ALOX12: variants seen among roughly 807,000 people sequenced by gnomAD.
ALOX12 encodes polyunsaturated fatty acid lipoxygenase ALOX12.
ALOX12 carries 62 observed loss-of-function variants against 85.5 expected under a neutral mutation model. The ratio of observed to expected loss-of-function variants is 0.73; its 90% confidence interval spans 0.59 to 0.90. The LOEUF is 0.90. ALOX12 is among the 40% of genes least tolerant of loss of function. ALOX12 has a pLI of 0.00. For missense variants in ALOX12, 751 were observed against 856.5 expected, an observed-to-expected ratio of 0.88 and a Z score of 1.54; for synonymous variants, 299 against 332.7, an observed-to-expected ratio of 0.90 and a Z score of 1.10.
At chr17:6,998,639 TCCCTGC>T (rs576891719) in intron 3 of ALOX12, 49 bp downstream of exon 3, 872 of 1,598,642 alleles carry the variant, frequency 5.5e-4, no homozygotes, top group Middle Eastern at 8.3e-4. Flanking sequence ...TCCCACCCCT[TCCCTGC>T]CCCTGCCCCT....
At chr17:6,997,170 G>A in intron 2 of ALOX12, 143 bp downstream of exon 2, 1 of 1,412,736 alleles carries the variant, frequency 7.1e-7, no homozygotes, top group Non-Finnish European at 9.2e-7. Flanking sequence ...CAGGGTGCTG[G>A]ACAGAAAACG....
Position 6,999,450 on chromosome 17 carries a change from T to C in ALOX12, c.791T>C (p.Leu264Pro). ...PSGMEELQAQLEKELQNGSLF... is the reference protein window; with the variant it reads ...PSGMEELQAQPEKELQNGSLF... Reference sequence around the variant, plus strand: ...GGGATGGAAGAGCTTCAGGCTCAACTGGAGAAAGAACTTCAGGTACCTCTC... The same window carrying C: ...GGGATGGAAGAGCTTCAGGCTCAACCGGAGAAAGAACTTCAGGTACCTCTC... The change falls in exon 6 of 14, where the codon CTG becomes CCG. Residue 264 changes from leucine (L) to proline (P), a missense_variant. Physicochemically the swap from Leu to Pro is moderately conservative, Grantham distance 98. Transcript: ENST00000251535. 2 of 1,614,108 alleles carry C rather than the reference T, an allele frequency of 1.2e-6. No homozygotes were observed. Among genetic ancestry groups the C allele is most frequent in the Non-Finnish European group, 1.7e-6 (2 of 1,179,978 alleles).
intron 8 of ALOX12, chr17:7,002,277 C>A: frequency 3.0e-6 from 1 of 337,676 alleles, no homozygotes; most frequent in Non-Finnish European, 5.8e-6. Flanking sequence ...GAAGAACAGC[C>A]AGCAAGCCGC....
rs754960840 is a variant in ALOX12 at position 7,010,349 on chromosome 17, G to A, written c.1918G>A (p.Ala640Thr). 3.1e-6 allele frequency: 5 copies of A among 1,614,196 alleles called. No individual in the cohort carries two copies. Among genetic ancestry groups the A allele is most frequent in the Non-Finnish European group, 3.4e-6 (4 of 1,180,044 alleles). ...GGAAAAGCTGGAAAAGGAGATTACAGCCCGGAATGAGCAACTTGACTGGCC... is the reference window on the plus strand; with the variant it reads ...GGAAAAGCTGGAAAAGGAGATTACAACCCGGAATGAGCAACTTGACTGGCC... ...DLEKLEKEIT[A>T]RNEQLDWPYE... Residue 640 changes from alanine to threonine, a missense_variant, in exon 14 of 14, where the codon GCC becomes ACC. Coordinates refer to ENST00000251535, the MANE Select transcript of ALOX12 (RefSeq NM_000697.3).
chr17:7,002,085 T>G, intron 8 of ALOX12: 1 of 462,032 alleles, frequency 2.2e-6, no homozygotes, highest in Non-Finnish European at 3.9e-6. Context: ...AAAGCCATAT[T>G]CCTACCTTAG....
At chr17:7,005,837 A>G (rs1203696694) in intron 9 of ALOX12, 21 bp from the exon 10 acceptor site, 1 of 1,605,526 alleles carries the variant, frequency 6.2e-7, no homozygotes, top group Non-Finnish European at 8.5e-7. Context: ...CCCCTCTAAG[A>G]CCTGTGATCT....
At position 6,996,240 on chromosome 17, in the gene ALOX12, C is replaced by T. The variant is rs312467; in HGVS notation, c.123C>T (p.Pro41=). Residue 41 remains proline (P), a synonymous_variant, in exon 1 of 14, where the codon CCC becomes CCT. Transcript: ENST00000251535. ...CGGAGCTGGAGCTGCAGCTGCGGCC[C>T]GCGCGGGGCGAGGTCAGCGCGGGGA... ...GEAELELQLR[P]ARGEEEEFDH... is the part of the protein sequence containing the mutation. 511 of 1,245,532 alleles carry T rather than the reference C, an allele frequency of 4.1e-4. 4 individuals carry two copies. In the African/African-American group the frequency reaches 7.6e-3, roughly 18 times the overall value. The allele number at this position is 1,245,532 out of a possible 1,614,324, so 77.2% of individuals were successfully genotyped here.
chr17:6,997,017 CG>C lies in ALOX12; in HGVS notation c.328del (p.Glu110ArgfsTer23). ...VQGEDILSLP[E>X]GTARLPGDNA... ...AGGGCGAGGACATCCTGAGCCTGCC[CG>C]AGGGCACCGGTGAGCAGGCGGCGTC... On this transcript the variant is annotated frameshift_variant, in exon 2 of 14. Transcript: ENST00000251535. LOFTEE classifies it high-confidence loss of function. The C allele has an allele frequency of 6.5e-7, 1 of 1,541,262 alleles. No homozygotes were observed. The highest frequency in any genetic ancestry group is 8.8e-7 in the Non-Finnish European group (1 of 1,141,120).
Position 7,010,424 on chromosome 17 carries a change from G to A in ALOX12, c.*1G>A. 1 of 1,610,380 alleles carries A rather than the reference G, an allele frequency of 6.2e-7. No homozygotes were observed. The highest frequency in any genetic ancestry group is 1.1e-5 in the South Asian group (1 of 90,444). The stretch of plus-strand genomic sequence containing the variant: ...CATAGAGAACAGTGTCACCATCTGA[G>A]CCCTAGAGTGACTCTACCTGCAAGA... On this transcript the variant is annotated 3_prime_UTR_variant, in exon 14 of 14. Coordinates refer to ENST00000251535, the MANE Select transcript of ALOX12 (RefSeq NM_000697.3).
chr17:7,006,397 G>A (rs1909078948), intron 10 of ALOX12, 89 bp from the exon 11 acceptor site: 1 of 1,586,610 alleles, frequency 6.3e-7, no homozygotes, highest in Admixed American at 1.7e-5. Flanking sequence ...CCCAGATACT[G>A]TGGAAGCATT....
In ALOX12 at chr17:7,010,102, T is replaced by A. The variant is rs1275047199; in HGVS notation, c.1788T>A (p.His596Gln). Residue 596 changes from histidine (H) to glutamine (Q), a missense_variant, in exon 13 of 14, where the codon CAT becomes CAA. His to Gln is a conservative substitution (Grantham distance 24). Coordinates refer to ENST00000251535, the MANE Select transcript of ALOX12 (RefSeq NM_000697.3). The stretch of plus-strand genomic sequence containing the variant: ...GTCTTCAAATGGCCATCTCATGGCA[T>A]CTGAGTCGCCGCCAGCCAGACATGG... ...QACLQMAISW[H>Q]LSRRQPDMVP... 1 of 1,613,118 alleles carries A rather than the reference T, an allele frequency of 6.2e-7. No individual in the cohort carries two copies. The highest frequency in any genetic ancestry group is 8.5e-7 in the Non-Finnish European group (1 of 1,179,358).
Position 7,010,517 on chromosome 17 carries a change from A to G in ALOX12, c.*94A>G, listed in dbSNP as rs575445855. The G allele has an allele frequency of 4.8e-6, 7 of 1,450,130 alleles. No homozygotes were observed. The African/African-American group carries it at 9.9e-5, about 21-fold the overall frequency. 89.8% of individuals were successfully genotyped at this position (1,450,130 alleles called of 1,614,324 possible). A position where few individuals can be genotyped will look rare whatever the true frequency, so the allele number is the denominator to read the frequency against. On this transcript the variant is annotated 3_prime_UTR_variant, in exon 14 of 14. Coordinates refer to ENST00000251535, the MANE Select transcript of ALOX12 (RefSeq NM_000697.3). ...ATGCTTTCCTAAAGTCTCTGCTGCT[A>G]AGGCTCTATTTCCTCCCCCAGTTAA...
At chr17:7,007,710 G>A (rs1909156516) in intron 11 of ALOX12, among the ~76,000 whole-genome samples, 4 of 151,912 alleles carry the variant, frequency 2.6e-5, no homozygotes, top group South Asian at 4.2e-4. Context: ...AGTGAAACCC[G>A]TCTCTACTAA....
In ALOX12 at chr17:7,010,091, A is replaced by G. The variant is rs753212262; in HGVS notation, c.1777A>G (p.Ile593Val). ...DVRQACLQMA[I>V]SWHLSRRQPD... ...CCGGCAGGCCTGTCTTCAAATGGCC[A>G]TCTCATGGCATCTGAGTCGCCGCCA... Residue 593 changes from isoleucine to valine, a missense_variant, in exon 13 of 14, where the codon ATC becomes GTC. By Grantham distance (29) the Ile-to-Val change is conservative. Coordinates refer to ENST00000251535, the MANE Select transcript of ALOX12 (RefSeq NM_000697.3). The G allele has an allele frequency of 1.9e-6, 3 of 1,613,550 alleles. No homozygotes were observed. Among genetic ancestry groups the G allele is most frequent in the Non-Finnish European group, 2.5e-6 (3 of 1,179,622 alleles).
At chr17:7,006,169 C>G (rs1232289124) in intron 10 of ALOX12, 142 bp downstream of exon 10, 1 of 785,378 alleles carries the variant, frequency 1.3e-6, no homozygotes, top group Non-Finnish European at 2.0e-6. Context: ...AAAGTGAGGA[C>G]ACAGTGGGTG....
chr17:7,003,806 G>A (rs1161702270), intron 8 of ALOX12, among the ~76,000 whole-genome samples: 1 of 152,080 alleles, frequency 6.6e-6, no homozygotes, highest in Non-Finnish European at 1.5e-5. Context: ...GCCTTTCCGT[G>A]ACATTTGGCA....
chr17:7,001,135 G>C (rs1364988781), intron 7 of ALOX12: 1 of 162,972 alleles, frequency 6.1e-6, no homozygotes, highest in Non-Finnish European at 1.3e-5. Context: ...ATTTTTTGTA[G>C]AGATGGGGTT....
rs1312604617 is a variant in ALOX12 at position 7,000,821 on chromosome 17, CG to C, written c.951+343del. ...GTCTGGGGTGGGAACTAAGAGTTTGCGTTTTTATAAGTTCCAAAGTGATGCT... is the reference window on the plus strand; with the variant it reads ...GTCTGGGGTGGGAACTAAGAGTTTGCTTTTTATAAGTTCCAAAGTGATGCT... On this transcript the variant is annotated intron_variant, in intron 7 of 13. Transcript: ENST00000251535. The surrounding 1 kb of genome is among the most constrained non-coding windows in gnomAD (Gnocchi z 4.6). Among the ~76,000 whole-genome samples the C allele has an allele frequency of 6.6e-6, 1 of 152,088 alleles. No individual in the cohort carries two copies. The highest frequency in any genetic ancestry group is 1.5e-5 in the Non-Finnish European group (1 of 68,008).
chr17:7,005,717 G>A lies in ALOX12; in HGVS notation c.1249-141G>A, dbSNP rs1024719235. The A allele has an allele frequency of 2.2e-5, 18 of 812,310 alleles. No individual in the cohort carries two copies. The South Asian group carries it at 3.1e-4, about 14-fold the overall frequency. 50.3% of individuals were successfully genotyped at this position (812,310 alleles called of 1,614,324 possible). On this transcript the variant is annotated intron_variant, in intron 9 of 13. Coordinates refer to ENST00000251535, the MANE Select transcript of ALOX12 (RefSeq NM_000697.3). ...ACTGGTCTCGAACTCCTGACCTCAT[G>A]ATCCACCCACCTCAGCCTCCCAAAG...
Sources: allele counts gnomAD v4.1 joint callset (sites outside exome capture counted in the v4.1 genomes callset), GRCh38; gene constraint gnomAD v4.1.1; non-coding constraint Gnocchi (gnomAD v3.1); transcripts MANE v1.5; gene names NCBI Gene and HGNC (gene_info 2026-07-23, HGNC 2026-07-21).